Variants in DNAH1 observed in about 807,000 individuals in gnomAD.
DNAH1 encodes the protein dynein axonemal heavy chain 1, also known as axonemal beta dynein heavy chain 1.
In DNAH1, 327 loss-of-function variants were observed where a neutral mutation model predicts 484.3. The observed-to-expected ratio is 0.68, with a 90% CI of 0.62 to 0.74. DNAH1 has a LOEUF of 0.74. DNAH1 is among the 30% of genes least tolerant of loss of function. DNAH1 has a pLI of 0.00. For synonymous variants in DNAH1, 2,192 were observed against 2,191.9 expected, an observed-to-expected ratio of 1.00 and a Z score of 0.00; for missense variants, 5,052 against 5,546.8, an observed-to-expected ratio of 0.91 and a Z score of 2.83.
Position 52,358,539 on chromosome 3 carries a change from G to C in DNAH1, c.4087-19G>C. The C allele has an allele frequency of 6.3e-7, 1 of 1,590,204 alleles. No individual in the cohort carries two copies. Among genetic ancestry groups the C allele is most frequent in the South Asian group, 1.1e-5 (1 of 87,902 alleles). ...GGCACACCAGGGTGACCCCACTCCTGCTCCTCCACTGCTTGCAGCTGCTAT... is the reference window on the plus strand; with the variant it reads ...GGCACACCAGGGTGACCCCACTCCTCCTCCTCCACTGCTTGCAGCTGCTAT... On this transcript the variant is annotated intron_variant, in intron 24 of 77. Transcript: ENST00000420323. This position sits in a 1 kb window ranked among gnomAD's most constrained non-coding sequence, Gnocchi z 4.2.
At chr3:52,359,845 C>A in intron 26 of DNAH1, 71 bp from the exon 27 acceptor site, 1 of 1,586,314 alleles carries the variant, frequency 6.3e-7, no homozygotes, top group Non-Finnish European at 8.6e-7. Context: ...CAGAAGCCCA[C>A]CCTCTGTGAA....
At position 52,359,456 on chromosome 3, in the gene DNAH1, C is replaced by T. The variant is rs71297394; in HGVS notation, c.4407+70C>T. 65,492 of 1,534,500 alleles carry T rather than the reference C, an allele frequency of 0.043. 1,603 individuals are homozygous for T. The highest frequency in any genetic ancestry group is 0.048 in the Non-Finnish European group (54,449 of 1,137,362). Reference sequence around the variant, plus strand: ...ATGGCACAGGAGGGCCCAGTCCCTCCGGAAGCTTTCTCCTATAGTGAGCCT... The same window carrying T: ...ATGGCACAGGAGGGCCCAGTCCCTCTGGAAGCTTTCTCCTATAGTGAGCCT... On this transcript the variant is annotated intron_variant, in intron 26 of 77. Coordinates refer to ENST00000420323, the MANE Select transcript of DNAH1 (RefSeq NM_015512.5).
chr3:52,327,039 T>C (rs1701372215), intron 5 of DNAH1, 148 bp downstream of exon 5: 1 of 1,155,676 alleles, frequency 8.7e-7, no homozygotes, highest in Non-Finnish European at 1.2e-6. Flanking sequence ...TAGGAACCCA[T>C]CCCAGGTACT....
At chr3:52,319,944 C>T (rs1701084319) in intron 1 of DNAH1, among the ~76,000 whole-genome samples, 1 of 152,246 alleles carries the variant, frequency 6.6e-6, no homozygotes, top group South Asian at 2.1e-4. Flanking sequence ...CAAGTTCACC[C>T]ATTATGGATT....
rs777773562 is a variant in DNAH1, at chr3:52,373,042, G to A, written c.6974G>A (p.Arg2325His). The change falls in exon 44 of 78, where the codon CGC becomes CAC. Residue 2325 changes from arginine (R) to histidine (H), a missense_variant. Transcript: ENST00000420323. ...ATGGACCACGGCGGCTGGTACGACC[G>A]CAAGATCATTGGTGAGTGTGGCCGG... ...QWMDHGGWYDRKIIGAFKNLV... is the reference protein window; with the variant it reads ...QWMDHGGWYDHKIIGAFKNLV... 1.2e-5 allele frequency: 20 copies of A among 1,611,192 alleles called. No homozygotes were observed. The highest frequency in any genetic ancestry group is 5.3e-5 in the African/African-American group (4 of 74,920).
rs942407078 is a variant in DNAH1, at chr3:52,396,905, G to A, written c.11648G>A (p.Gly3883Asp). The change falls in exon 73 of 78, where the codon GGC (glycine) becomes GAC (aspartate). Residue 3883 changes from glycine to aspartate, a missense_variant. Physicochemically the swap from Gly to Asp is moderately conservative, Grantham distance 94. This residue lies in a region of DNAH1 where 853 missense variants were observed against 899.0 expected (regional missense o/e 0.95). Coordinates refer to ENST00000420323, the MANE Select transcript of DNAH1 (RefSeq NM_015512.5). ...KYTAGEINYG[G>D]RVTDDWDRRC... ...ACGGCAGGGGAGATCAATTACGGGGGCCGTGTCACTGATGACTGGGACCGG... is the reference window on the plus strand; with the variant it reads ...ACGGCAGGGGAGATCAATTACGGGGACCGTGTCACTGATGACTGGGACCGG... 2.5e-6 allele frequency: 4 copies of A among 1,613,486 alleles called. No individual in the cohort carries two copies. In the Admixed American group the frequency reaches 6.7e-5, roughly 27 times the overall value.
chr3:52,346,772 TG>T lies in DNAH1; in HGVS notation c.1955+6del. The T allele has an allele frequency of 6.2e-7, 1 of 1,602,280 alleles. No homozygotes were observed. The highest frequency in any genetic ancestry group is 8.5e-7 in the Non-Finnish European group (1 of 1,170,568). ...CGACTTAATTAACAGCCCCTACAGG[TG>T]GGGCCCGGCGGGGCGGAGGCACCTG... On this transcript the variant is annotated splice_donor_region_variant and intron_variant, in intron 11 of 77. Transcript: ENST00000420323.
At position 52,358,030 on chromosome 3, in the gene DNAH1, G is replaced by T. The variant is rs957592092; in HGVS notation, c.4086+27G>T. 5.8e-6 allele frequency: 9 copies of T among 1,551,674 alleles called. No homozygotes were observed. The highest frequency in any genetic ancestry group is 1.2e-5 in the South Asian group (1 of 85,092). On this transcript the variant is annotated intron_variant, in intron 24 of 77. Coordinates refer to ENST00000420323, the MANE Select transcript of DNAH1 (RefSeq NM_015512.5). The surrounding 1 kb of genome is among the most constrained non-coding windows in gnomAD (Gnocchi z 4.2). ...TGGGCAGCTGGGCCCGGGGCTCAGG[G>T]CTGGGAGCATGGGGCATCTTCCCAG...
In DNAH1 at chr3:52,363,536, A is replaced by C. The variant is rs150632783; in HGVS notation, c.5244+392A>C. ...AGCCAGGCCCTCCGAGCCTCCCAGCACCACCATCCTTCCACTCAGCTTGCT... is the reference window on the plus strand; with the variant it reads ...AGCCAGGCCCTCCGAGCCTCCCAGCCCCACCATCCTTCCACTCAGCTTGCT... On this transcript the variant is annotated intron_variant, in intron 32 of 77. Transcript: ENST00000420323. Among the ~76,000 whole-genome samples, 571 of 152,296 alleles carry C rather than the reference A, an allele frequency of 3.7e-3. 4 individuals are homozygous for C. The highest frequency in any genetic ancestry group is 0.023 in the South Asian group (112 of 4,824).
chr3:52,390,979 C>A lies in DNAH1; in HGVS notation c.9666C>A (p.Val3222=). The A allele has an allele frequency of 6.4e-7, 1 of 1,552,868 alleles. No homozygotes were observed. ...ACACACTGTCAGTGGAGAACGGGGTCATCAACCAGTTTTCCCAGCGCTGGA... is the reference window on the plus strand; with the variant it reads ...ACACACTGTCAGTGGAGAACGGGGTAATCAACCAGTTTTCCCAGCGCTGGA... The part of the protein sequence containing the change: ...PNDTLSVENG[V]INQFSQRWTH... The change falls in exon 61 of 78, where the codon GTC becomes GTA. Residue 3222 remains valine, a synonymous_variant. Transcript: ENST00000420323.
rs1255374108 is a variant in DNAH1 at position 52,386,776 on chromosome 3, G to T, written c.8926G>T (p.Asp2976Tyr). The change falls in exon 56 of 78, where the codon GAT (aspartate) becomes TAT (tyrosine). Residue 2976 changes from aspartate to tyrosine, a missense_variant. Asp to Tyr is a radical substitution (Grantham distance 160, BLOSUM62 -3). Coordinates refer to ENST00000420323, the MANE Select transcript of DNAH1 (RefSeq NM_015512.5). ...TGGAGAAAAGCCAGGCACCAAGGTG[G>T]ATGACTACTGGGAGCCTGGCAAGGG... is the stretch of plus-strand genomic sequence containing the variant. ...VPGEKPGTKV[D>Y]DYWEPGKGLL... 6.3e-7 allele frequency: 1 copy of T among 1,590,024 alleles called. No individual in the cohort carries two copies. Among genetic ancestry groups the T allele is most frequent in the Non-Finnish European group, 8.6e-7 (1 of 1,168,572 alleles).
In DNAH1 at chr3:52,383,535, C is replaced by A; in HGVS notation, c.8091C>A (p.Asn2697Lys). 2 of 1,612,826 alleles carry A rather than the reference C, an allele frequency of 1.2e-6. No individual in the cohort carries two copies. The highest frequency in any genetic ancestry group is 1.7e-6 in the Non-Finnish European group (2 of 1,179,392). Residue 2697 changes from asparagine (N) to lysine (K), a missense_variant, in exon 51 of 78, where the codon AAC becomes AAA. This residue lies in a region of DNAH1 where 2,929 missense variants were observed against 3,409.4 expected (regional missense o/e 0.86). Transcript: ENST00000420323. ...QEQGLQPTKANLMAAYTGRVR... is the reference protein window; with the variant it reads ...QEQGLQPTKAKLMAAYTGRVR... Reference sequence around the variant, plus strand: ...AGGGCCTACAGCCCACCAAGGCCAACCTCATGGCTGCTTACACAGGGCGTG... The same window carrying A: ...AGGGCCTACAGCCCACCAAGGCCAAACTCATGGCTGCTTACACAGGGCGTG...
intron 6 of DNAH1, 60 bp from the exon 7 acceptor site, chr3:52,331,088 A>G: frequency 6.5e-7 from 1 of 1,530,282 alleles, no homozygotes; most frequent in Non-Finnish European, 8.8e-7. Flanking sequence ...GCCAGCACTC[A>G]GAGGCCCCTT....
chr3:52,338,185 T>G (rs996517909), intron 8 of DNAH1, among the ~76,000 whole-genome samples: 3 of 152,186 alleles, frequency 2.0e-5, no homozygotes, highest in Admixed American at 1.3e-4. Flanking sequence ...CTCTGCTCAC[T>G]GCAACCTCTG....
At chr3:52,334,203 AT>A (rs901024397) in intron 8 of DNAH1, among the ~76,000 whole-genome samples, 84 of 152,336 alleles carry the variant, frequency 5.5e-4, no homozygotes, top group African/African-American at 1.9e-3. Flanking sequence ...TGATTACTGA[AT>A]ACTGCAGGCA....
intron 6 of DNAH1, among the ~76,000 whole-genome samples, chr3:52,330,131 A>G (rs552737952): frequency 1.9e-4 from 29 of 152,262 alleles, no homozygotes; most frequent in African/African-American, 6.7e-4. Flanking sequence ...TTAAGCCACT[A>G]TGTATTGCGG....
At position 52,373,008 on chromosome 3, in the gene DNAH1, C is replaced by G. The variant is rs776689300; in HGVS notation, c.6940C>G (p.Arg2314Gly). 6.2e-7 allele frequency: 1 copy of G among 1,613,544 alleles called. No homozygotes were observed. Among genetic ancestry groups the G allele is most frequent in the Non-Finnish European group, 8.5e-7 (1 of 1,179,836 alleles). ...YGAQPPIELL[R>G]QWMDHGGWYD... is the part of the protein sequence containing the mutation. ...TGCACAGCCACCCATCGAGCTGTTGCGCCAGTGGATGGACCACGGCGGCTG... is the reference window on the plus strand; with the variant it reads ...TGCACAGCCACCCATCGAGCTGTTGGGCCAGTGGATGGACCACGGCGGCTG... The change falls in exon 44 of 78, where the codon CGC becomes GGC. Residue 2314 changes from arginine to glycine, a missense_variant. Transcript: ENST00000420323.
intron 2 of DNAH1, among the ~76,000 whole-genome samples, chr3:52,322,998 T>TTG (rs1701205521): frequency 6.6e-6 from 1 of 152,206 alleles, no homozygotes; most frequent in Non-Finnish European, 1.5e-5. Context: ...CGACAACTCA[T>TTG]TACTGAGCTC....
intron 8 of DNAH1, among the ~76,000 whole-genome samples, chr3:52,342,768 G>A (rs956017286): frequency 6.6e-6 from 1 of 152,218 alleles, no homozygotes; most frequent in Non-Finnish European, 1.5e-5. Context: ...GAGGAACAGG[G>A]GATGGAGAGA....
Sources: gnomAD v4.1 joint callset for allele counts (sites outside exome capture counted in the v4.1 genomes callset) on GRCh38, gnomAD v4.1.1 for gene constraint, gnomAD v4.1.1 regional missense constraint, Gnocchi (gnomAD v3.1) non-coding constraint, MANE v1.5 for transcripts, NCBI Gene and HGNC (gene_info 2026-07-23, HGNC 2026-07-21) for gene names.